MAN1C1: variants seen among roughly 807,000 people sequenced by gnomAD.
The protein encoded by MAN1C1 is mannosidase alpha class 1C member 1, also known as mannosyl-oligosaccharide 1,2-alpha-mannosidase IC.
MAN1C1 carries 49 observed loss-of-function variants against 71.5 expected under a neutral mutation model. The observed-to-expected ratio is 0.69, with a 90% CI of 0.54 to 0.87. MAN1C1 has a LOEUF of 0.87. MAN1C1 is among the 40% of genes least tolerant of loss of function. MAN1C1 has a pLI of 0.00. For missense variants in MAN1C1, 743 were observed against 835.0 expected (o/e 0.89, Z 1.36); for synonymous variants, 352 against 343.7 (o/e 1.02, Z -0.27).
intron 2 of MAN1C1, among the ~76,000 whole-genome samples, chr1:25,704,439 A>G (rs777639219): frequency 6.6e-6 from 1 of 152,118 alleles, no homozygotes; most frequent in Non-Finnish European, 1.5e-5. Flanking sequence ...GTGGCTCCCA[A>G]TGTGGAGATA....
At chr1:25,670,433 C>T (rs1002906419) in intron 1 of MAN1C1, among the ~76,000 whole-genome samples, 11 of 152,224 alleles carry the variant, frequency 7.2e-5, no homozygotes, top group Non-Finnish European at 1.6e-4. Context: ...TTTCCAAAGG[C>T]TCCAGGCTCT....
rs2047518699 is a variant in MAN1C1 at position 25,769,584 on chromosome 1, ACTC to A, written c.1142-2070_1142-2068del. 6.6e-6 allele frequency among the ~76,000 whole-genome samples: 1 copy of A among 151,958 alleles called. No homozygotes were observed. Among genetic ancestry groups the A allele is most frequent in the South Asian group, 2.1e-4 (1 of 4,826 alleles). On this transcript the variant is annotated intron_variant, in intron 7 of 11. Transcript: ENST00000374332. This position sits in a 1 kb window ranked among gnomAD's most constrained non-coding sequence, Gnocchi z 4.8. ...TCCACCACCGCGTGATTGTGGCTAAACTCCTTGGCTTGGCATTCCAGGCCCTTC... is the reference window on the plus strand; with the variant it reads ...TCCACCACCGCGTGATTGTGGCTAAACTTGGCTTGGCATTCCAGGCCCTTC...
intron 1 of MAN1C1, among the ~76,000 whole-genome samples, chr1:25,663,748 G>C (rs2045883022): frequency 6.6e-6 from 1 of 152,168 alleles, no homozygotes; most frequent in Admixed American, 6.5e-5. Flanking sequence ...CAATTCCATT[G>C]AAGTCGCGAG....
chr1:25,708,110 A>G (rs1055696340), intron 2 of MAN1C1, among the ~76,000 whole-genome samples: 1 of 152,248 alleles, frequency 6.6e-6, no homozygotes, highest in Non-Finnish European at 1.5e-5. Flanking sequence ...AAGTAAAGGA[A>G]TAAAGAATGG....
intron 1 of MAN1C1, among the ~76,000 whole-genome samples, chr1:25,636,613 T>C (rs1451016086): frequency 6.6e-6 from 1 of 152,228 alleles, no homozygotes; most frequent in Non-Finnish European, 1.5e-5. Context: ...CAAGGTACAC[T>C]GATTTCATAT....
intron 2 of MAN1C1, among the ~76,000 whole-genome samples, chr1:25,739,844 G>T (rs936701034): frequency 6.6e-6 from 1 of 152,194 alleles, no homozygotes; most frequent in Non-Finnish European, 1.5e-5. Flanking sequence ...AGACGCCCAT[G>T]CTGTGGGCTC....
intron 1 of MAN1C1, among the ~76,000 whole-genome samples, chr1:25,682,968 G>A (rs3014707): frequency 0.038 from 5,837 of 151,670 alleles, 373 homozygotes; most frequent in African/African-American, 0.13. Flanking sequence ...AGTCTGGGAG[G>A]CAGAGGTTGT....
intron 1 of MAN1C1, among the ~76,000 whole-genome samples, chr1:25,683,160 C>T (rs1485409470): frequency 6.6e-6 from 1 of 152,150 alleles, no homozygotes; most frequent in Non-Finnish European, 1.5e-5. Flanking sequence ...ACCCACGGCA[C>T]ACATCACCAG....
At chr1:25,642,755 A>G (rs751831389) in intron 1 of MAN1C1, among the ~76,000 whole-genome samples, 9 of 152,228 alleles carry the variant, frequency 5.9e-5, no homozygotes, top group African/African-American at 9.6e-5. Flanking sequence ...ATAGAGAGTC[A>G]GACTTCAGAG....
chr1:25,714,777 C>T (rs1009456041), intron 2 of MAN1C1, among the ~76,000 whole-genome samples: 2 of 152,204 alleles, frequency 1.3e-5, no homozygotes, highest in Admixed American at 1.3e-4. Context: ...GTCAGCTACA[C>T]TCTAAAGGAA....
At chr1:25,658,460 C>CT (rs1454123550) in intron 1 of MAN1C1, among the ~76,000 whole-genome samples, 5 of 151,558 alleles carry the variant, frequency 3.3e-5, no homozygotes, top group South Asian at 2.1e-4. Context: ...GCTGCTGCTT[C>CT]TTTTTTTTTA....
At position 25,635,981 on chromosome 1, in the gene MAN1C1, A is replaced by G. The variant is rs182515249; in HGVS notation, c.540+17644A>G. The stretch of plus-strand genomic sequence containing the variant: ...AGCCGGGCCTCCGGGGTGACATCAC[A>G]TATCGGTAGGACCGTGATGCCCACC... On this transcript the variant is annotated intron_variant, in intron 1 of 11. Coordinates refer to ENST00000374332, the MANE Select transcript of MAN1C1 (RefSeq NM_020379.4). 5.3e-4 allele frequency among the ~76,000 whole-genome samples: 81 copies of G among 152,336 alleles called. No individual in the cohort carries two copies. In the East Asian group the frequency reaches 0.013, roughly 25 times the overall value.
chr1:25,679,506 T>C (rs902751939), intron 1 of MAN1C1, among the ~76,000 whole-genome samples: 4 of 150,526 alleles, frequency 2.7e-5, no homozygotes, highest in African/African-American at 9.8e-5. Context: ...AATTGTGTAA[T>C]GTATAAATTT....
intron 1 of MAN1C1, among the ~76,000 whole-genome samples, chr1:25,646,852 CTGTGATAAA>C (rs1278038825): frequency 6.6e-6 from 1 of 152,114 alleles, no homozygotes; most frequent in Non-Finnish European, 1.5e-5. Context: ...CACCTTTGGG[CTGTGATAAA>C]TAATGCTGCT....
chr1:25,686,317 TG>T, intron 1 of MAN1C1, 122 bp from the exon 2 acceptor site: 1 of 780,282 alleles, frequency 1.3e-6, no homozygotes, highest in Non-Finnish European at 2.2e-6. Context: ...TTCTCCAATT[TG>T]GAAAATTTGG....
intron 4 of MAN1C1, among the ~76,000 whole-genome samples, chr1:25,749,642 C>T (rs1024127747): frequency 2.0e-5 from 3 of 152,210 alleles, no homozygotes; most frequent in African/African-American, 7.2e-5. Flanking sequence ...CTCTCTGATC[C>T]CTCCATTCTG....
At position 25,764,786 on chromosome 1, in the gene MAN1C1, G is replaced by A. The variant is rs1448927039; in HGVS notation, c.1141+819G>A. On this transcript the variant is annotated intron_variant, in intron 7 of 11. Coordinates refer to ENST00000374332, the MANE Select transcript of MAN1C1 (RefSeq NM_020379.4). The surrounding 1 kb of genome is among the most constrained non-coding windows in gnomAD (Gnocchi z 4.4). ...AACCATACAACAGTGTAGAAATCAT[G>A]AATTCAGGCCAAGCACCTGACGGGA... Among the ~76,000 whole-genome samples, 1 of 152,030 alleles carries A rather than the reference G, an allele frequency of 6.6e-6. No homozygotes were observed. Among genetic ancestry groups the A allele is most frequent in the Non-Finnish European group, 1.5e-5 (1 of 67,998 alleles).
chr1:25,675,170 G>C (rs1007685984), intron 1 of MAN1C1, among the ~76,000 whole-genome samples: 2 of 151,892 alleles, frequency 1.3e-5, no homozygotes, highest in African/African-American at 4.8e-5. Context: ...TGAGATTTTC[G>C]TGCACCTGTC....
chr1:25,731,130 A>T (rs1475019486), intron 2 of MAN1C1, among the ~76,000 whole-genome samples: 1 of 152,224 alleles, frequency 6.6e-6, no homozygotes, highest in Non-Finnish European at 1.5e-5. Context: ...CAGCCTGGGC[A>T]ACATGGCGAA....
Sources: gnomAD v4.1 joint callset for allele counts (sites outside exome capture counted in the v4.1 genomes callset) on GRCh38, gnomAD v4.1.1 for gene constraint, Gnocchi (gnomAD v3.1) non-coding constraint, MANE v1.5 for transcripts, NCBI Gene and HGNC (gene_info 2026-07-23, HGNC 2026-07-21) for gene names.